MSRA: variants seen among roughly 807,000 people sequenced by gnomAD.
The protein encoded by MSRA is methionine sulfoxide reductase A.
A neutral mutation model predicts 31.3 loss-of-function variants in MSRA; 54 were observed. The ratio of observed to expected loss-of-function variants is 1.73; its 90% CI spans 1.39 to 2.17. The LOEUF (loss-of-function observed/expected upper bound fraction) is 2.17. Among genes scored for constraint, MSRA ranks in the 30% most tolerant of loss-of-function variants. The pLI, the probability that MSRA is intolerant of heterozygous loss-of-function variation, is 0.00. For missense variants in MSRA, 507 were observed against 300.9 expected (o/e 1.69, Z -5.07); for synonymous variants, 169 against 116.5 (o/e 1.45, Z -2.90).
chr8:10,395,119 G>A (rs1345883032), intron 5 of MSRA, among the ~76,000 whole-genome samples: 3 of 152,212 alleles, frequency 2.0e-5, no homozygotes, highest in African/African-American at 7.2e-5. Flanking sequence ...GATGGTTTAG[G>A]AACACGCAGG....
intron 5 of MSRA, among the ~76,000 whole-genome samples, chr8:10,366,282 A>C (rs1226956411): frequency 6.6e-6 from 1 of 152,246 alleles, no homozygotes; most frequent in Non-Finnish European, 1.5e-5. Context: ...CAGAGGAAGC[A>C]GAGGGCTCTG....
At chr8:10,078,620 G>A (rs1264296886) in intron 1 of MSRA, among the ~76,000 whole-genome samples, 1 of 152,262 alleles carries the variant, frequency 6.6e-6, no homozygotes, top group Non-Finnish European at 1.5e-5. Flanking sequence ...CCACGGTGCT[G>A]CACCCTGCAG....
At chr8:10,083,738 C>T (rs1225142704) in intron 1 of MSRA, among the ~76,000 whole-genome samples, 1 of 151,688 alleles carries the variant, frequency 6.6e-6, no homozygotes, top group Non-Finnish European at 1.5e-5. Flanking sequence ...TTTCCCTAAA[C>T]AGTGATTTTT....
intron 5 of MSRA, among the ~76,000 whole-genome samples, chr8:10,359,094 T>C (rs1012599884): frequency 5.9e-5 from 9 of 152,180 alleles, no homozygotes; most frequent in Admixed American, 5.2e-4. Flanking sequence ...GCATGTGATG[T>C]GCTTTTTCAA....
At chr8:10,386,450 T>C (rs1000797437) in intron 5 of MSRA, among the ~76,000 whole-genome samples, 1 of 152,198 alleles carries the variant, frequency 6.6e-6, no homozygotes, top group Admixed American at 6.5e-5. Context: ...TGGAGCATCA[T>C]TGACATCATA....
chr8:10,317,451 G>C (rs1319018989), intron 4 of MSRA, among the ~76,000 whole-genome samples: 1 of 152,156 alleles, frequency 6.6e-6, no homozygotes, highest in Admixed American at 6.5e-5. Context: ...CTCTGGCTCT[G>C]CCGAGAGGGA....
At chr8:10,140,242 C>T (rs779739731) in intron 1 of MSRA, among the ~76,000 whole-genome samples, 1 of 152,176 alleles carries the variant, frequency 6.6e-6, no homozygotes, top group East Asian at 1.9e-4. Context: ...TGTGGTTGTT[C>T]CTTCCTCCAG....
chr8:10,395,958 G>T (rs765814192), intron 5 of MSRA, among the ~76,000 whole-genome samples: 1 of 152,184 alleles, frequency 6.6e-6, no homozygotes, highest in Admixed American at 6.5e-5. Flanking sequence ...CCCTACAAGT[G>T]CAGTCAAGCT....
At chr8:10,376,581 C>T (rs1002053992) in intron 5 of MSRA, among the ~76,000 whole-genome samples, 2 of 152,162 alleles carry the variant, frequency 1.3e-5, no homozygotes, top group African/African-American at 4.8e-5. Flanking sequence ...CCAGGTAAAG[C>T]TCTTAGAATA....
At chr8:10,184,355 T>G (rs148898062) in intron 1 of MSRA, among the ~76,000 whole-genome samples, 70 of 152,178 alleles carry the variant, frequency 4.6e-4, no homozygotes, top group African/African-American at 1.6e-3. Context: ...TAATACATTC[T>G]AAACCTCTTC....
chr8:10,207,315 G>A (rs1809084958), intron 1 of MSRA, among the ~76,000 whole-genome samples: 1 of 152,158 alleles, frequency 6.6e-6, no homozygotes, highest in Admixed American at 6.5e-5. Flanking sequence ...CTTTGGCCTG[G>A]GTGAACAGTG....
chr8:10,206,028 G>T (rs1808935980), intron 1 of MSRA, among the ~76,000 whole-genome samples: 1 of 152,178 alleles, frequency 6.6e-6, no homozygotes, highest in African/African-American at 2.4e-5. Context: ...GATATTATGT[G>T]TATCACCTTT....
chr8:10,318,814 G>T (rs1381053833), intron 4 of MSRA, among the ~76,000 whole-genome samples: 1 of 152,112 alleles, frequency 6.6e-6, no homozygotes, highest in Non-Finnish European at 1.5e-5. Context: ...ACGCTTGAGG[G>T]TACCATGCTC....
intron 2 of MSRA, among the ~76,000 whole-genome samples, chr8:10,226,367 G>C (rs1200224159): frequency 1.3e-5 from 2 of 152,220 alleles, no homozygotes; most frequent in African/African-American, 4.8e-5. Context: ...GCTAAGAAGA[G>C]GGTCCCCTTG....
intron 5 of MSRA, among the ~76,000 whole-genome samples, chr8:10,412,316 G>A (rs1351163783): frequency 6.6e-6 from 1 of 152,144 alleles, no homozygotes; most frequent in Non-Finnish European, 1.5e-5. Context: ...AATTACAAGG[G>A]CCACAGGCTT....
intron 1 of MSRA, among the ~76,000 whole-genome samples, chr8:10,116,125 A>G (rs1309271397): frequency 6.6e-6 from 1 of 152,210 alleles, no homozygotes; most frequent in East Asian, 1.9e-4. Context: ...GGAAAGCACC[A>G]TCCTTGCAAC....
intron 3 of MSRA, among the ~76,000 whole-genome samples, chr8:10,276,199 C>G (rs17151565): frequency 0.57 from 87,356 of 152,086 alleles, 25,248 homozygotes; most frequent in Non-Finnish European, 0.62. Flanking sequence ...CAGCAGTCCA[C>G]AGCAGTGGCT....
chr8:10,085,397 G>A (rs12545826), intron 1 of MSRA, among the ~76,000 whole-genome samples: 1 of 152,090 alleles, frequency 6.6e-6, no homozygotes, highest in Admixed American at 6.5e-5. Context: ...AGTGCCTATT[G>A]TGTGTATTTG....
chr8:10,370,128 A>C (rs2129169670), intron 5 of MSRA, among the ~76,000 whole-genome samples: 1 of 152,332 alleles, frequency 6.6e-6, no homozygotes, highest in South Asian at 2.1e-4. Flanking sequence ...TGCAGCTGCA[A>C]AATGCTTCCA....
Sources: allele counts gnomAD v4.1 joint callset (sites outside exome capture counted in the v4.1 genomes callset), GRCh38; gene constraint gnomAD v4.1.1; transcripts MANE v1.5; gene names NCBI Gene and HGNC (gene_info 2026-07-23, HGNC 2026-07-21).